The following TNRC6A variants were observed in gnomAD, a reference collection of about 807,000 sequenced individuals.
The protein encoded by TNRC6A is trinucleotide repeat-containing gene 6A protein.
A neutral mutation model predicts 221.2 loss-of-function variants in TNRC6A; 44 were observed. The observed-to-expected ratio is 0.20, with a 90% CI of 0.16 to 0.26. TNRC6A has a LOEUF of 0.26. Among genes scored for constraint, TNRC6A ranks in the 10% least tolerant of loss-of-function variants. The pLI, the probability that TNRC6A is intolerant of heterozygous loss-of-function variation, is 1.00. For synonymous variants in TNRC6A, 847 were observed against 838.5 expected (o/e 1.01, Z -0.18); for missense variants, 2,199 against 2,404.4 (o/e 0.91, Z 1.79).
chr16:24,811,390 C>T (rs1357904264), intron 18 of TNRC6A, among the ~76,000 whole-genome samples: 1 of 152,166 alleles, frequency 6.6e-6, no homozygotes, highest in East Asian at 1.9e-4. Context: ...TTCATCTCAG[C>T]ACCCAGACGG....
At chr16:24,792,374 A>G (rs1258024764) in intron 6 of TNRC6A, among the ~76,000 whole-genome samples, 2 of 152,172 alleles carry the variant, frequency 1.3e-5, no homozygotes, top group Non-Finnish European at 2.9e-5. Context: ...TCCCAACAAC[A>G]TTTTTGTTAA....
At chr16:24,767,352 C>T (rs1394739188) in intron 4 of TNRC6A, among the ~76,000 whole-genome samples, 3 of 152,102 alleles carry the variant, frequency 2.0e-5, no homozygotes, top group Non-Finnish European at 4.4e-5. Flanking sequence ...GATTTAGTAT[C>T]CTTAAACTAA....
Position 24,815,413 on chromosome 16 carries a change from G to A in TNRC6A, c.4831+108G>A, listed in dbSNP as rs565678518. The stretch of plus-strand genomic sequence containing the variant: ...CCCAGATCGGCGTGCTTAGACTGAC[G>A]TGTGCGGATGAGAAGGAATGCAGAA... On this transcript the variant is annotated intron_variant, in intron 19 of 24. Coordinates refer to ENST00000395799, the MANE Select transcript of TNRC6A (RefSeq NM_014494.4). 3.2e-5 allele frequency: 41 copies of A among 1,269,506 alleles called. 1 individual carries two copies. The highest frequency in any genetic ancestry group is 1.7e-4 in the South Asian group (13 of 78,440). The allele number at this position is 1,269,506 out of a possible 1,614,324, so 78.6% of individuals were successfully genotyped here. A position where few individuals can be genotyped will look rare whatever the true frequency, so the allele number is the denominator to read the frequency against.
chr16:24,742,114 G>C (rs1017036998), intron 2 of TNRC6A, among the ~76,000 whole-genome samples: 2 of 152,180 alleles, frequency 1.3e-5, no homozygotes, highest in African/African-American at 4.8e-5. Flanking sequence ...GGGATTACAG[G>C]TATGAGCCAC....
chr16:24,617,251 G>C (rs1326386140), intron 1 of TNRC6A, among the ~76,000 whole-genome samples: 1 of 151,850 alleles, frequency 6.6e-6, no homozygotes, highest in Non-Finnish European at 1.5e-5. Context: ...TCAGCCTCCT[G>C]AGTAGCTGAG....
chr16:24,711,157 G>T (rs572277341), intron 2 of TNRC6A, among the ~76,000 whole-genome samples: 1 of 151,976 alleles, frequency 6.6e-6, no homozygotes, highest in Admixed American at 6.6e-5. Flanking sequence ...TTACAGGCGC[G>T]CATTGCACCT....
At chr16:24,722,721 AC>A (rs1567388185) in intron 2 of TNRC6A, among the ~76,000 whole-genome samples, 1 of 152,192 alleles carries the variant, frequency 6.6e-6, no homozygotes, top group Non-Finnish European at 1.5e-5. Flanking sequence ...GGTGTGAGCC[AC>A]AACTCTTAAA....
intron 6 of TNRC6A, among the ~76,000 whole-genome samples, chr16:24,792,588 A>AT (rs1007724238): frequency 9.7e-5 from 4 of 41,384 alleles, no homozygotes; most frequent in African/African-American, 1.9e-4. Flanking sequence ...GTTGGCTTTG[A>AT]TTTTTTTTAA....
rs763407557 is a variant in TNRC6A, at chr16:24,806,777, C to T, written c.4533C>T (p.Phe1511=). ...CACCAATAAATGCTTTCAGCAACTT[C>T]CCTATAGGTGGGTTTCTCCTTGGCC... ...GPSPINAFSN[F]PIGLNSNLNV... Residue 1511 remains phenylalanine (F), a synonymous_variant, in exon 17 of 25, where the codon TTC becomes TTT. Transcript: ENST00000395799. The T allele has an allele frequency of 1.2e-6, 2 of 1,614,054 alleles. No individual in the cohort carries two copies. Among genetic ancestry groups the T allele is most frequent in the African/African-American group, 1.3e-5 (1 of 74,916 alleles).
intron 4 of TNRC6A, among the ~76,000 whole-genome samples, chr16:24,770,028 T>C (rs1385615694): frequency 6.6e-6 from 1 of 152,176 alleles, no homozygotes; most frequent in Non-Finnish European, 1.5e-5. Context: ...TTCATCAGAA[T>C]AGAGGAGGGC....
At chr16:24,671,571 A>T (rs2055303457) in intron 2 of TNRC6A, among the ~76,000 whole-genome samples, 1 of 152,236 alleles carries the variant, frequency 6.6e-6, no homozygotes, top group South Asian at 2.1e-4. Context: ...GGGGAGTAGA[A>T]TGTGGTACCC....
At chr16:24,713,763 C>T (rs1286233297) in intron 2 of TNRC6A, among the ~76,000 whole-genome samples, 1 of 152,160 alleles carries the variant, frequency 6.6e-6, no homozygotes, top group Non-Finnish European at 1.5e-5. Flanking sequence ...TCTCCTGCCT[C>T]AGCCTCCTGA....
At chr16:24,693,352 C>T (rs1050116439) in intron 2 of TNRC6A, among the ~76,000 whole-genome samples, 4 of 152,042 alleles carry the variant, frequency 2.6e-5, no homozygotes, top group South Asian at 4.2e-4. Flanking sequence ...TTTTGGAGGC[C>T]GAGGCAGGCA....
chr16:24,776,487 G>T (rs1596679012), intron 4 of TNRC6A: 1 of 985,420 alleles, frequency 1.0e-6, no homozygotes, highest in Non-Finnish European at 1.2e-6. Context: ...GTCTTCCAAA[G>T]ATGAAAAATA....
chr16:24,779,171 C>G (rs1371531283), intron 5 of TNRC6A, among the ~76,000 whole-genome samples: 1 of 152,032 alleles, frequency 6.6e-6, no homozygotes, highest in East Asian at 1.9e-4. Flanking sequence ...TAGGAAGAAG[C>G]TTTCAAAAAA....
intron 1 of TNRC6A, among the ~76,000 whole-genome samples, chr16:24,611,220 A>G (rs908880547): frequency 6.6e-6 from 1 of 152,080 alleles, no homozygotes; most frequent in Non-Finnish European, 1.5e-5. Context: ...GGATACCTAG[A>G]TTTTTGTCCT....
chr16:24,802,917 G>A (rs995185336), intron 11 of TNRC6A, among the ~76,000 whole-genome samples: 6 of 152,108 alleles, frequency 3.9e-5, no homozygotes, highest in Non-Finnish European at 5.9e-5. Context: ...CTTTTGGGCC[G>A]GAGCTGGCTA....
chr16:24,814,946 C>A (rs546461126), intron 18 of TNRC6A, among the ~76,000 whole-genome samples: 6 of 152,264 alleles, frequency 3.9e-5, no homozygotes, highest in African/African-American at 1.4e-4. Flanking sequence ...ATCTCATAAA[C>A]TTAAAATGAA....
chr16:24,672,280 C>A (rs1175876502), intron 2 of TNRC6A, among the ~76,000 whole-genome samples: 1 of 152,086 alleles, frequency 6.6e-6, no homozygotes, highest in African/African-American at 2.4e-5. Context: ...CGCCGCCACG[C>A]CTGGCTAATT....
Sources: gnomAD v4.1 joint callset for allele counts (sites outside exome capture counted in the v4.1 genomes callset) on GRCh38, gnomAD v4.1.1 for gene constraint, MANE v1.5 for transcripts, NCBI Gene and HGNC (gene_info 2026-07-23, HGNC 2026-07-21) for gene names.